The following ZFP69 variants were observed in gnomAD, a reference collection of about 807,000 sequenced individuals.
ZFP69 encodes the protein zinc finger protein 69 homolog.
ZFP69 carries 35 observed loss-of-function variants against 48.9 expected under a neutral mutation model. The observed-to-expected ratio is 0.72, with a 90% CI of 0.55 to 0.95. ZFP69 has a LOEUF of 0.95. Ranked by LOEUF, ZFP69 falls within the 40% of genes least tolerant of loss-of-function variation. The probability of loss-of-function intolerance (pLI) is 0.00; values close to 1 mark genes in which losing one functional copy is unlikely to be tolerated. For synonymous variants in ZFP69, 193 were observed against 216.8 expected, an observed-to-expected ratio of 0.89 and a Z score of 0.96; for missense variants, 557 against 638.4, an observed-to-expected ratio of 0.87 and a Z score of 1.37.
rs1645625823 is a variant in ZFP69 at position 40,495,715 on chromosome 1, T to C, written c.1237T>C (p.Cys413Arg). 6.2e-7 allele frequency: 1 copy of C among 1,614,224 alleles called. No homozygotes were observed. Among genetic ancestry groups the C allele is most frequent in the African/African-American group, 1.3e-5 (1 of 75,058 alleles). The change falls in exon 6 of 6, where the codon TGC (cysteine) becomes CGC (arginine). Residue 413 changes from cysteine (C) to arginine (R), a missense_variant. Transcript: ENST00000372706. ...RIHTGEKPYA[C>R]TACCKTFSHR... ...TCATACCGGGGAGAAGCCCTATGCATGCACTGCATGTTGTAAAACCTTTAG... is the reference window on the plus strand; with the variant it reads ...TCATACCGGGGAGAAGCCCTATGCACGCACTGCATGTTGTAAAACCTTTAG...
At chr1:40,489,245 C>T (rs762828956) in intron 4 of ZFP69, 31 bp downstream of exon 4, 1 of 1,611,112 alleles carries the variant, frequency 6.2e-7, no homozygotes. Context: ...CATCCAGAAA[C>T]CCACCCATTA....
At chr1:40,482,674 C>A (rs539977434) in intron 3 of ZFP69, among the ~76,000 whole-genome samples, 2 of 151,708 alleles carry the variant, frequency 1.3e-5, no homozygotes, top group Non-Finnish European at 2.9e-5. Flanking sequence ...AAAGCTATAC[C>A]GTACAAACAA....
At chr1:40,494,810 C>T (rs1393556385) in intron 5 of ZFP69, 111 bp from the exon 6 acceptor site, 1 of 936,620 alleles carries the variant, frequency 1.1e-6, no homozygotes, top group East Asian at 2.7e-5. Flanking sequence ...GCAGCATAAT[C>T]ATATTTAAAT....
chr1:40,488,873 T>G (rs1409246602), intron 3 of ZFP69, among the ~76,000 whole-genome samples: 3 of 151,858 alleles, frequency 2.0e-5, no homozygotes, highest in Non-Finnish European at 4.4e-5. Flanking sequence ...TATTACATTA[T>G]TTATAGTAAT....
At position 40,496,185 on chromosome 1, in the gene ZFP69, A is replaced by G; in HGVS notation, c.*126A>G. On this transcript the variant is annotated 3_prime_UTR_variant, in exon 6 of 6. Transcript: ENST00000372706. Reference sequence around the variant, plus strand: ...CCAACTTTTAATTTTTCCCATTGTAAATAAACATTACATTGACAGGTATTG... The same window carrying G: ...CCAACTTTTAATTTTTCCCATTGTAGATAAACATTACATTGACAGGTATTG... 2 of 989,984 alleles carry G rather than the reference A, an allele frequency of 2.0e-6. No homozygotes were observed. Among genetic ancestry groups the G allele is most frequent in the Non-Finnish European group, 1.4e-6 (1 of 691,038 alleles). 61.3% of individuals were successfully genotyped at this position (989,984 alleles called of 1,614,324 possible).
In ZFP69 at chr1:40,479,424, T is replaced by A; in HGVS notation, c.63T>A (p.His21Gln). The change falls in exon 2 of 6, where the codon CAT (histidine) becomes CAA (glutamine). Residue 21 changes from histidine to glutamine, a missense_variant. His to Gln is a conservative substitution (Grantham distance 24, BLOSUM62 0). Coordinates refer to ENST00000372706, the MANE Select transcript of ZFP69 (RefSeq NM_001320179.2). ...CCAGCACCTGGGTGAAGCTGCAACATCCAAAGAAGGCCGTGGAGGGGGCGC... is the reference window on the plus strand; with the variant it reads ...CCAGCACCTGGGTGAAGCTGCAACAACCAAAGAAGGCCGTGGAGGGGGCGC... ...TEASTWVKLQHPKKAVEGAPL... is the reference protein window; with the variant it reads ...TEASTWVKLQQPKKAVEGAPL... 1 of 1,613,984 alleles carries A rather than the reference T, an allele frequency of 6.2e-7. No individual in the cohort carries two copies.
rs1645633610 is a variant in ZFP69 at position 40,496,122 on chromosome 1, A to T, written c.*63A>T. Reference sequence around the variant, plus strand: ...AATTGGTGATTTAGAGTGCTTTAAAATTTCAGGACTCAGATATGAGGAATT... The same window carrying T: ...AATTGGTGATTTAGAGTGCTTTAAATTTTCAGGACTCAGATATGAGGAATT... On this transcript the variant is annotated 3_prime_UTR_variant, in exon 6 of 6. Transcript: ENST00000372706. 2 of 1,484,220 alleles carry T rather than the reference A, an allele frequency of 1.3e-6. No individual in the cohort carries two copies. The highest frequency in any genetic ancestry group is 1.8e-6 in the Non-Finnish European group (2 of 1,111,148). The allele number at this position is 1,484,220 out of a possible 1,614,324, so 91.9% of individuals were successfully genotyped here.
chr1:40,496,159 G>T lies in ZFP69; in HGVS notation c.*100G>T. ...AGATATGAGGAATTGATGTAATGATGCCAACTTTTAATTTTTCCCATTGTA... is the reference window on the plus strand; with the variant it reads ...AGATATGAGGAATTGATGTAATGATTCCAACTTTTAATTTTTCCCATTGTA... On this transcript the variant is annotated 3_prime_UTR_variant, in exon 6 of 6. Transcript: ENST00000372706. 1 of 1,257,762 alleles carries T rather than the reference G, an allele frequency of 8.0e-7. No homozygotes were observed. Among genetic ancestry groups the T allele is most frequent in the Non-Finnish European group, 1.1e-6 (1 of 921,332 alleles). 77.9% of individuals were successfully genotyped at this position (1,257,762 alleles called of 1,614,324 possible).
Position 40,478,124 on chromosome 1 carries a change from A to T in ZFP69, c.-327+230A>T, listed in dbSNP as rs532839565. ...GCAGCTCCTGTCTCTGCATATAGTC[A>T]CACACACACACACACACACACACAC... On this transcript the variant is annotated intron_variant, in intron 1 of 5. Transcript: ENST00000372706. Among the ~76,000 whole-genome samples, 33 of 136,786 alleles carry T rather than the reference A, an allele frequency of 2.4e-4. No homozygotes were observed. In the South Asian group the frequency reaches 6.3e-3, roughly 26 times the overall value. The allele number at this position is 136,786 out of a possible 152,430, so 89.7% of individuals were successfully genotyped here. A position where few individuals can be genotyped will look rare whatever the true frequency, so the allele number is the denominator to read the frequency against.
At chr1:40,486,264 T>G (rs1478172060) in intron 3 of ZFP69, among the ~76,000 whole-genome samples, 1 of 152,032 alleles carries the variant, frequency 6.6e-6, no homozygotes, top group Non-Finnish European at 1.5e-5. Flanking sequence ...TTTGCTGAGC[T>G]TCTTGGATCT....
chr1:40,484,540 C>T lies in ZFP69; in HGVS notation c.219+2686C>T, dbSNP rs1246874940. Among the ~76,000 whole-genome samples, 9 of 151,512 alleles carry T rather than the reference C, an allele frequency of 5.9e-5. No individual in the cohort carries two copies. The East Asian group carries it at 1.8e-3, about 30-fold the overall frequency. ...TGCATTGAATCATTTTTCCAGTATT[C>T]CATTTGATGTCCTCTAATGACTTTT... On this transcript the variant is annotated intron_variant, in intron 3 of 5. Coordinates refer to ENST00000372706, the MANE Select transcript of ZFP69 (RefSeq NM_001320179.2).
In ZFP69 at chr1:40,481,772, C is replaced by T. The variant is rs1340295677; in HGVS notation, c.137C>T (p.Ser46Phe). 6.2e-7 allele frequency: 1 copy of T among 1,610,658 alleles called. No homozygotes were observed. The highest frequency in any genetic ancestry group is 2.2e-5 in the East Asian group (1 of 44,840). ...TKMFEGEALL[S>F]QDAEDVKTQR... ...TCTTTTCCTTCCCCAGCTCTGCTGT[C>T]TCAGGATGCTGAGGACGTAAAGACC... is the stretch of plus-strand genomic sequence containing the variant. Residue 46 changes from serine to phenylalanine, a missense_variant, in exon 3 of 6, where the codon TCT (serine) becomes TTT (phenylalanine). Transcript: ENST00000372706.
At chr1:40,484,724 C>T (rs796673585) in intron 3 of ZFP69, among the ~76,000 whole-genome samples, 49 of 151,092 alleles carry the variant, frequency 3.2e-4, no homozygotes, top group African/African-American at 1.0e-3. Context: ...ACTACAGGCG[C>T]GTGCCACCAC....
At chr1:40,481,378 G>A (rs969981100) in intron 2 of ZFP69, among the ~76,000 whole-genome samples, 8 of 152,166 alleles carry the variant, frequency 5.3e-5, no homozygotes, top group Non-Finnish European at 8.8e-5. Flanking sequence ...AGTCCATGGT[G>A]AAGTGTTTGG....
intron 2 of ZFP69, among the ~76,000 whole-genome samples, chr1:40,480,423 G>A (rs987247387): frequency 2.7e-5 from 4 of 150,022 alleles, no homozygotes; most frequent in Admixed American, 6.6e-5. Context: ...CTGCCACCAC[G>A]CCTGGCTAAT....
At chr1:40,480,611 TAA>T (rs1645434233) in intron 2 of ZFP69, among the ~76,000 whole-genome samples, 1 of 150,926 alleles carries the variant, frequency 6.6e-6, no homozygotes. Context: ...TTTGAAAACT[TAA>T]AAGTGCAGCA....
At position 40,481,478 on chromosome 1, in the gene ZFP69, A is replaced by G. The variant is rs112237607; in HGVS notation, c.128-285A>G. Among the ~76,000 whole-genome samples, 288 of 152,256 alleles carry G rather than the reference A, an allele frequency of 1.9e-3. 1 individual carries two copies. The highest frequency in any genetic ancestry group is 3.5e-3 in the Admixed American group (53 of 15,302). ...CTGTGCTTTTGGACCAGTATTGACC[A>G]TTGGTAGAGTTTTTTGGAGGGGGGA... On this transcript the variant is annotated intron_variant, in intron 2 of 5. Coordinates refer to ENST00000372706, the MANE Select transcript of ZFP69 (RefSeq NM_001320179.2).
chr1:40,489,095 T>G lies in ZFP69; in HGVS notation c.227T>G (p.Leu76Trp). ...GLPTAESQEL[L>W]TFKDISIDFT... ...ATGTATTTGATGTTCTAGGAATTGT[T>G]GACTTTCAAGGACATATCTATTGAC... The change falls in exon 4 of 6, where the codon TTG becomes TGG. Residue 76 changes from leucine (L) to tryptophan (W), a missense_variant. Physicochemically the swap from Leu to Trp is moderately conservative, Grantham distance 61. Transcript: ENST00000372706. The G allele has an allele frequency of 1.2e-6, 2 of 1,614,114 alleles. No individual in the cohort carries two copies. Among genetic ancestry groups the G allele is most frequent in the Non-Finnish European group, 1.7e-6 (2 of 1,180,006 alleles).
chr1:40,486,131 TG>T (rs1287588613), intron 3 of ZFP69, among the ~76,000 whole-genome samples: 1 of 152,096 alleles, frequency 6.6e-6, no homozygotes, highest in Non-Finnish European at 1.5e-5. Flanking sequence ...TTCACCATGT[TG>T]GCCAGGCTGG....
Sources: gnomAD v4.1 joint callset for allele counts (sites outside exome capture counted in the v4.1 genomes callset) on GRCh38, gnomAD v4.1.1 for gene constraint, MANE v1.5 for transcripts, NCBI Gene and HGNC (gene_info 2026-07-23, HGNC 2026-07-21) for gene names.